AGO2: variants seen among roughly 807,000 people sequenced by gnomAD.
The protein encoded by AGO2 is argonaute RISC catalytic component 2, also known as protein argonaute-2.
AGO2 carries 5 observed loss-of-function variants against 102.3 expected under a neutral mutation model. That is an observed-to-expected ratio of 0.05 (90% CI 0.03 to 0.10). The LOEUF is 0.10. AGO2 is among the 10% of genes least tolerant of loss of function. The pLI is 1.00. For missense variants in AGO2, 541 were observed against 1,183.7 expected, an observed-to-expected ratio of 0.46 and a Z score of 7.97; for synonymous variants, 449 against 473.1, an observed-to-expected ratio of 0.95 and a Z score of 0.66.
rs922177204 is a variant in AGO2, at chr8:140,589,847, G to C, written c.23-4536C>G. On this transcript the variant is annotated intron_variant, in intron 1 of 18. Coordinates refer to ENST00000220592, the MANE Select transcript of AGO2 (RefSeq NM_012154.5). This position sits in a 1 kb window ranked among gnomAD's most constrained non-coding sequence, Gnocchi z 4.2. Reference sequence around the variant, plus strand: ...GTGATGGCTCAGTGAGTACAGACCAGAGAGTAGATGCTATCAAGCTGTACT... The same window carrying C: ...GTGATGGCTCAGTGAGTACAGACCACAGAGTAGATGCTATCAAGCTGTACT... Among the ~76,000 whole-genome samples the C allele has an allele frequency of 2.0e-5, 3 of 151,820 alleles. No individual in the cohort carries two copies. The highest frequency in any genetic ancestry group is 7.3e-5 in the African/African-American group (3 of 41,310).
chr8:140,598,346 C>T (rs75582771), intron 1 of AGO2, among the ~76,000 whole-genome samples: 3,953 of 152,328 alleles, frequency 0.026, 89 homozygotes, highest in Non-Finnish European at 0.042. Context: ...GTTTGCGTTC[C>T]GTTACTTGAG....
chr8:140,603,625 C>T (rs1172294355), intron 1 of AGO2, among the ~76,000 whole-genome samples: 1 of 152,232 alleles, frequency 6.6e-6, no homozygotes, highest in Non-Finnish European at 1.5e-5. Context: ...GAGCCACGCA[C>T]GTGACCCTCT....
chr8:140,590,760 AG>A (rs962272165), intron 1 of AGO2, among the ~76,000 whole-genome samples: 8 of 152,164 alleles, frequency 5.3e-5, no homozygotes, highest in Non-Finnish European at 1.0e-4. Flanking sequence ...GATGCCACCA[AG>A]GGGGTCTCAG....
rs375689967 is a variant in AGO2, at chr8:140,628,389, GTGTGTGTGCGTGTGTGTGTGTTACATACC to G, written c.22+7067_22+7095del. Among the ~76,000 whole-genome samples, 568 of 152,338 alleles carry G rather than the reference GTGTGTGTGCGTGTGTGTGTGTTACATACC, an allele frequency of 3.7e-3. 2 individuals are homozygous for G. The highest frequency in any genetic ancestry group is 0.013 in the African/African-American group (538 of 41,566). ...CAGGCACGTGGAGCTGCAGGCACGT[GTGTGTGTGCGTGTGTGTGTGTTACATACC>G]TGTGTGCGTGTGTGTACCTGCAGAT... On this transcript the variant is annotated intron_variant, in intron 1 of 18. Coordinates refer to ENST00000220592, the MANE Select transcript of AGO2 (RefSeq NM_012154.5).
intron 10 of AGO2, among the ~76,000 whole-genome samples, chr8:140,554,227 G>C (rs1254575491): frequency 6.6e-6 from 1 of 152,222 alleles, no homozygotes; most frequent in Non-Finnish European, 1.5e-5. Context: ...CATGAAGGGG[G>C]ATCACGGGCT....
At chr8:140,588,647 G>A (rs1266047550) in intron 1 of AGO2, among the ~76,000 whole-genome samples, 1 of 149,036 alleles carries the variant, frequency 6.7e-6, no homozygotes, top group Non-Finnish European at 1.5e-5. Context: ...AAGGAAGGAG[G>A]AAAGGAGGGA....
chr8:140,607,437 C>T (rs1419552753), intron 1 of AGO2, among the ~76,000 whole-genome samples: 15 of 143,706 alleles, frequency 1.0e-4, no homozygotes, highest in African/African-American at 3.6e-4. Context: ...CCCCGTCTCA[C>T]CCCCACCTCT....
intron 17 of AGO2, among the ~76,000 whole-genome samples, chr8:140,534,471 G>C (rs146941579): frequency 7.3e-4 from 111 of 152,270 alleles, no homozygotes; most frequent in African/African-American, 2.6e-3. Context: ...TTTGCACCAG[G>C]AAGTGCCACA....
upstream of AGO2, chr8:140,638,360 A>G (rs1385417014): frequency 6.6e-6 from 1 of 152,262 alleles, no homozygotes; most frequent in Non-Finnish European, 1.5e-5. Context: ...ATGATAAATA[A>G]GTTTATTGTC....
intron 3 of AGO2, among the ~76,000 whole-genome samples, chr8:140,563,137 A>G (rs2073229412): frequency 6.6e-6 from 1 of 152,230 alleles, no homozygotes; most frequent in African/African-American, 2.4e-5. Context: ...CTATTTGCTA[A>G]TCATGCTTCC....
chr8:140,601,885 C>T (rs542988980), intron 1 of AGO2, among the ~76,000 whole-genome samples: 2 of 152,286 alleles, frequency 1.3e-5, no homozygotes, highest in Admixed American at 6.5e-5. Context: ...AGGTCAGCGG[C>T]GGGCCAGCAC....
chr8:140,620,535 G>A (rs1167310941), intron 1 of AGO2, among the ~76,000 whole-genome samples: 7 of 152,154 alleles, frequency 4.6e-5, no homozygotes, highest in Admixed American at 3.9e-4. Context: ...CCACTTTTAT[G>A]TACATTTGAA....
chr8:140,528,062 T>G lies in AGO2; in HGVS notation c.*3982A>C, dbSNP rs2072534159. 6.6e-6 allele frequency: 1 copy of G among 152,194 alleles called. No individual in the cohort carries two copies. Among genetic ancestry groups the G allele is most frequent in the African/African-American group, 2.4e-5 (1 of 41,464 alleles). The allele number at this position is 152,194 out of a possible 1,614,324, so 9.4% of individuals were successfully genotyped here. A position where few individuals can be genotyped will look rare whatever the true frequency, so the allele number is the denominator to read the frequency against. On this transcript the variant is annotated 3_prime_UTR_variant, in exon 19 of 19. Transcript: ENST00000220592. The surrounding 1 kb of genome is among the most constrained non-coding windows in gnomAD (Gnocchi z 4.5). ...TAGCGTATTGTATCAAATATATAAT[T>G]TGACTGAAAAACTGCCTTGTAAAAA...
intron 1 of AGO2, among the ~76,000 whole-genome samples, chr8:140,634,556 T>C (rs1420188605): frequency 6.6e-6 from 1 of 152,248 alleles, no homozygotes; most frequent in Non-Finnish European, 1.5e-5. Context: ...CCTGACCGTT[T>C]TTTTGGCCCA....
chr8:140,553,989 G>A lies in AGO2; in HGVS notation c.1269+1907C>T, dbSNP rs528418267. Among the ~76,000 whole-genome samples, 20 of 152,298 alleles carry A rather than the reference G, an allele frequency of 1.3e-4. No individual in the cohort carries two copies. The South Asian group carries it at 2.7e-3, about 21-fold the overall frequency. ...AGTGCTGGGATTACAGGCATGAGCC[G>A]CAGCACCCAGCCTACAAGCTCTCTT... On this transcript the variant is annotated intron_variant, in intron 10 of 18. Coordinates refer to ENST00000220592, the MANE Select transcript of AGO2 (RefSeq NM_012154.5).
intron 1 of AGO2, among the ~76,000 whole-genome samples, chr8:140,608,045 A>C (rs2074027307): frequency 6.6e-6 from 1 of 152,198 alleles, no homozygotes; most frequent in African/African-American, 2.4e-5. Flanking sequence ...CCTTTGGTGA[A>C]GAACACATTG....
chr8:140,560,911 T>C (rs766294032), intron 4 of AGO2, among the ~76,000 whole-genome samples: 14 of 152,236 alleles, frequency 9.2e-5, no homozygotes, highest in Non-Finnish European at 1.6e-4. Flanking sequence ...ACCTGCCAAG[T>C]GCCAGCCCCA....
At chr8:140,583,165 C>T (rs1026118072) in intron 2 of AGO2, among the ~76,000 whole-genome samples, 1 of 152,204 alleles carries the variant, frequency 6.6e-6, no homozygotes, top group African/African-American at 2.4e-5. Context: ...TTCAGGCTCC[C>T]TTGGCCTTTG....
At chr8:140,534,607 C>T (rs1372700381) in intron 17 of AGO2, among the ~76,000 whole-genome samples, 1 of 152,254 alleles carries the variant, frequency 6.6e-6, no homozygotes. Context: ...CATTCCTTCT[C>T]TGTCAGGCAT....
Sources: gnomAD v4.1 joint callset for allele counts (sites outside exome capture counted in the v4.1 genomes callset) on GRCh38, gnomAD v4.1.1 for gene constraint, Gnocchi (gnomAD v3.1) non-coding constraint, MANE v1.5 for transcripts, NCBI Gene and HGNC (gene_info 2026-07-23, HGNC 2026-07-21) for gene names.